The following CRISPLD2 variants were observed in gnomAD, a reference collection of about 807,000 sequenced individuals.
The protein encoded by CRISPLD2 is cysteine-rich secretory protein LCCL domain-containing 2.
In CRISPLD2, 47 loss-of-function variants were observed where a neutral mutation model predicts 71.1. The observed-to-expected ratio is 0.66, with a 90% confidence interval of 0.52 to 0.84. The LOEUF (loss-of-function observed/expected upper bound fraction) is 0.84, where lower values mean the gene tolerates loss of function less well. CRISPLD2 is among the 40% of genes least tolerant of loss of function. The pLI is 0.00. For synonymous variants in CRISPLD2, 317 were observed against 250.1 expected (o/e 1.27, Z -2.52); for missense variants, 830 against 651.1 (o/e 1.27, Z -2.99).
At chr16:84,849,241 C>G in intron 3 of CRISPLD2, 144 bp from the exon 4 acceptor site, 2 of 805,994 alleles carry the variant, frequency 2.5e-6, no homozygotes. Context: ...CTCCCTCCCT[C>G]CCGGCTGCCC....
intron 8 of CRISPLD2, 102 bp from the exon 9 acceptor site, chr16:84,872,340 T>C: frequency 1.0e-6 from 1 of 971,294 alleles, no homozygotes; most frequent in Non-Finnish European, 1.6e-6. Flanking sequence ...GAAGCTTTTC[T>C]ATATTTAGTA....
At chr16:84,854,256 G>C (rs554941845) in intron 5 of CRISPLD2, among the ~76,000 whole-genome samples, 42 of 152,332 alleles carry the variant, frequency 2.8e-4, no homozygotes, top group African/African-American at 1.0e-3. Flanking sequence ...TTGGGGAGAT[G>C]GGGTGAGGAG....
chr16:84,820,773 G>T (rs1422148640), intron 1 of CRISPLD2, among the ~76,000 whole-genome samples: 1 of 152,090 alleles, frequency 6.6e-6, no homozygotes, highest in Non-Finnish European at 1.5e-5. Context: ...TCAGGGTTCT[G>T]CAGTCTGGGG....
At chr16:84,821,438 C>T (rs975170443) in intron 1 of CRISPLD2, among the ~76,000 whole-genome samples, 2 of 152,190 alleles carry the variant, frequency 1.3e-5, no homozygotes, top group African/African-American at 4.8e-5. Flanking sequence ...GTCATCGCTG[C>T]AACACCCCGG....
intron 13 of CRISPLD2, 28 bp from the exon 14 acceptor site, chr16:84,889,202 C>G: frequency 1.2e-6 from 2 of 1,613,868 alleles, no homozygotes; most frequent in Non-Finnish European, 1.7e-6. Flanking sequence ...ATCCGCATCG[C>G]TGATCACAGC....
chr16:84,884,621 A>G (rs112035372), intron 13 of CRISPLD2, among the ~76,000 whole-genome samples: 6,982 of 152,002 alleles, frequency 0.046, 538 homozygotes, highest in African/African-American at 0.16. Context: ...CTGTGAGAGG[A>G]GAGGTGTGGA....
At chr16:84,847,634 G>C (rs904135235) in intron 3 of CRISPLD2, among the ~76,000 whole-genome samples, 3 of 150,302 alleles carry the variant, frequency 2.0e-5, no homozygotes, top group Non-Finnish European at 2.9e-5. Flanking sequence ...CTGGGTGACA[G>C]TGCAAGAATT....
intron 3 of CRISPLD2, among the ~76,000 whole-genome samples, chr16:84,847,455 T>A (rs529997827): frequency 6.6e-6 from 1 of 152,092 alleles, no homozygotes; most frequent in Non-Finnish European, 1.5e-5. Context: ...TTCAAGACTA[T>A]CCTGGCCAAC....
chr16:84,884,379 T>C (rs572544885), intron 13 of CRISPLD2, among the ~76,000 whole-genome samples: 3 of 152,268 alleles, frequency 2.0e-5, no homozygotes, highest in Admixed American at 1.3e-4. Context: ...GCACGTGAAA[T>C]GCATAGAACA....
Position 84,834,004 on chromosome 16 carries a change from C to T in CRISPLD2, c.-74-4418C>T, listed in dbSNP as rs1478810978. On this transcript the variant is annotated intron_variant, in intron 1 of 14. Coordinates refer to ENST00000262424, the MANE Select transcript of CRISPLD2 (RefSeq NM_031476.4). ...TTCACATCCAGAGGGAAGCCCACTC[C>T]GTGGGAGGCAGCAGGGCACTAAGCC... 4.6e-5 allele frequency among the ~76,000 whole-genome samples: 7 copies of T among 152,178 alleles called. No homozygotes were observed. The South Asian group carries it at 6.2e-4, about 13-fold the overall frequency.
Position 84,880,647 on chromosome 16 carries a change from C to G in CRISPLD2, c.1305+63C>G, listed in dbSNP as rs147325250. 4.2e-4 allele frequency: 512 copies of G among 1,229,798 alleles called. 2 individuals carry two copies. The African/African-American group carries it at 6.8e-3, about 16-fold the overall frequency. The allele number at this position is 1,229,798 out of a possible 1,614,324, so 76.2% of individuals were successfully genotyped here. A position where few individuals can be genotyped will look rare whatever the true frequency, so the allele number is the denominator to read the frequency against. On this transcript the variant is annotated intron_variant, in intron 13 of 14. Coordinates refer to ENST00000262424, the MANE Select transcript of CRISPLD2 (RefSeq NM_031476.4). ...CCTGTTAAAGACCTCAACATGCAAG[C>G]TCCAAGATCTGGATACTTGAAACTT...
intron 3 of CRISPLD2, among the ~76,000 whole-genome samples, chr16:84,847,044 C>G (rs1474604754): frequency 1.3e-5 from 2 of 152,230 alleles, no homozygotes; most frequent in Non-Finnish European, 2.9e-5. Context: ...TGTGACCGTG[C>G]CATGCCCAAG....
At chr16:84,900,526 CATCACACAGCGCTGGGAGG>C (rs2071744097) in intron 14 of CRISPLD2, among the ~76,000 whole-genome samples, 1 of 6,702 alleles carries the variant, frequency 1.5e-4, no homozygotes, top group Non-Finnish European at 2.3e-4. Flanking sequence ...AAAAGCAAGA[CATCACACAGCGCTGGGAGG>C]CATCACACAG....
At chr16:84,890,372 A>G (rs1416664628) in intron 14 of CRISPLD2, among the ~76,000 whole-genome samples, 3 of 151,666 alleles carry the variant, frequency 2.0e-5, no homozygotes, top group African/African-American at 7.3e-5. Flanking sequence ...AAAAAAAAGA[A>G]GTGGCAGTAA....
chr16:84,891,100 A>G (rs1177212767), intron 14 of CRISPLD2, among the ~76,000 whole-genome samples: 2 of 152,206 alleles, frequency 1.3e-5, no homozygotes, highest in African/African-American at 4.8e-5. Flanking sequence ...CTGCAAATAC[A>G]GTCACATTCT....
chr16:84,897,720 G>A (rs2071718675), intron 14 of CRISPLD2, among the ~76,000 whole-genome samples: 1 of 152,114 alleles, frequency 6.6e-6, no homozygotes. Context: ...AGGTTCAAGT[G>A]ATTCTCATGC....
At position 84,838,410 on chromosome 16, in the gene CRISPLD2, G is replaced by A; in HGVS notation, c.-74-12G>A. On this transcript the variant is annotated splice_polypyrimidine_tract_variant and intron_variant, in intron 1 of 14. Coordinates refer to ENST00000262424, the MANE Select transcript of CRISPLD2 (RefSeq NM_031476.4). ...AATGCGACTTCTCCCACCACCCTCT[G>A]CTTCCTTTCAGAGCTCAAGCGCCCA... 1 of 1,524,632 alleles carries A rather than the reference G, an allele frequency of 6.6e-7. No individual in the cohort carries two copies. The allele number at this position is 1,524,632 out of a possible 1,614,324, so 94.4% of individuals were successfully genotyped here.
At chr16:84,901,146 A>G (rs888004036) in intron 14 of CRISPLD2, among the ~76,000 whole-genome samples, 3 of 152,206 alleles carry the variant, frequency 2.0e-5, no homozygotes, top group African/African-American at 7.2e-5. Flanking sequence ...GATAAAAAGA[A>G]TGAGTTCTTT....
Position 84,845,852 on chromosome 16 carries a change from C to G in CRISPLD2, c.307C>G (p.Pro103Ala), listed in dbSNP as rs1368420158. ...WASQCIWEHG[P>A]TSLLVSIGQN... ...CAGTCAGTGCATCTGGGAGCACGGG[C>G]CCACCAGTCTGCTGGTGTCCATCGG... The change falls in exon 3 of 15, where the codon CCC (proline) becomes GCC (alanine). Residue 103 changes from proline to alanine, a missense_variant. Physicochemically the swap from Pro to Ala is conservative, Grantham distance 27 (BLOSUM62 -1). Coordinates refer to ENST00000262424, the MANE Select transcript of CRISPLD2 (RefSeq NM_031476.4). 6.2e-7 allele frequency: 1 copy of G among 1,613,868 alleles called. No individual in the cohort carries two copies. Among genetic ancestry groups the G allele is most frequent in the Non-Finnish European group, 8.5e-7 (1 of 1,179,914 alleles).
Sources: gnomAD v4.1 joint callset for allele counts (sites outside exome capture counted in the v4.1 genomes callset) on GRCh38, gnomAD v4.1.1 for gene constraint, MANE v1.5 for transcripts, NCBI Gene and HGNC (gene_info 2026-07-23, HGNC 2026-07-21) for gene names.